Variants in ZNF721 observed in about 807,000 individuals in gnomAD.
ZNF721 encodes the protein zinc finger protein 721.
ZNF721 carries 2 observed loss-of-function variants against 2.4 expected under a neutral mutation model. That is an observed-to-expected ratio of 0.82 (90% CI 0.34 to 2.58). The LOEUF is 2.58. Ranked by LOEUF, ZNF721 falls within the 30% of genes most tolerant of loss-of-function variation. The probability of loss-of-function intolerance (pLI) is 0.11; values close to 1 mark genes in which losing one functional copy is unlikely to be tolerated. For missense variants in ZNF721, 1,187 were observed against 1,085.5 expected, an observed-to-expected ratio of 1.09 and a Z score of -1.31; for synonymous variants, 398 against 381.8, an observed-to-expected ratio of 1.04 and a Z score of -0.50.
chr4:473,521 T>C (rs1330488187), intron 1 of ZNF721, among the ~76,000 whole-genome samples: 3 of 151,826 alleles, frequency 2.0e-5, no homozygotes, highest in South Asian at 2.1e-4. Context: ...CTCACAAAAG[T>C]CTTTTTTTTC....
intron 1 of ZNF721, among the ~76,000 whole-genome samples, chr4:497,715 G>A (rs1716261200): frequency 7.8e-6 from 1 of 127,802 alleles, no homozygotes; most frequent in South Asian, 2.7e-4. Context: ...GGTGAAACCC[G>A]TCACTACTAA....
At chr4:461,588 G>C (rs1038002833) in intron 2 of ZNF721, among the ~76,000 whole-genome samples, 1 of 152,168 alleles carries the variant, frequency 6.6e-6, no homozygotes, top group Non-Finnish European at 1.5e-5. Context: ...AATAGTATTG[G>C]AAAGCCGGGT....
At position 441,636 on chromosome 4, in the gene ZNF721, T is replaced by C; in HGVS notation, c.*59A>G. On this transcript the variant is annotated 3_prime_UTR_variant, in exon 3 of 3. Coordinates refer to ENST00000511833, the MANE Select transcript of ZNF721 (RefSeq NM_133474.4). ...TCACCTTCGTAAGACATTCCCCTGG[T>C]ATGAGTTCTCTTATGTTTAAGAATG... 1.4e-6 allele frequency: 2 copies of C among 1,392,764 alleles called. No individual in the cohort carries two copies. The highest frequency in any genetic ancestry group is 2.5e-5 in the East Asian group (1 of 40,730). The allele number at this position is 1,392,764 out of a possible 1,614,324, so 86.3% of individuals were successfully genotyped here.
intron 1 of ZNF721, among the ~76,000 whole-genome samples, chr4:488,395 G>A (rs782598037): frequency 4.6e-5 from 7 of 152,176 alleles, no homozygotes; most frequent in Non-Finnish European, 8.8e-5. Context: ...CAGGTCCAAA[G>A]ATAAACAGCA....
At chr4:459,007 T>G (rs1168477094) in intron 2 of ZNF721, among the ~76,000 whole-genome samples, 1 of 152,136 alleles carries the variant, frequency 6.6e-6, no homozygotes, top group Admixed American at 6.5e-5. Context: ...TATTCAACAT[T>G]CTTAAAGAAA....
chr4:482,385 A>G (rs1715792957), intron 1 of ZNF721, among the ~76,000 whole-genome samples: 1 of 151,998 alleles, frequency 6.6e-6, no homozygotes, highest in Admixed American at 6.6e-5. Flanking sequence ...GGCTGGCCTC[A>G]AACTCCTGAC....
rs1553863724 is a variant in ZNF721 at position 443,724 on chromosome 4, G to A, written c.743C>T (p.Pro248Leu). ...TTTGCCACATTCCTTACATTTGTAGGGTTTCTCTCCAGTATGAATTTTCTC... is the reference window on the plus strand; with the variant it reads ...TTTGCCACATTCCTTACATTTGTAGAGTTTCTCTCCAGTATGAATTTTCTC... ...KHEKIHTGEK[P>L]YKCKECGKVI... is the part of the protein sequence containing the mutation. The change falls in exon 3 of 3, where the codon CCC becomes CTC. Residue 248 changes from proline to leucine, a missense_variant. By Grantham distance (98) the Pro-to-Leu change is moderately conservative. Coordinates refer to ENST00000511833, the MANE Select transcript of ZNF721 (RefSeq NM_133474.4). The A allele has an allele frequency of 1.9e-6, 3 of 1,613,970 alleles. No individual in the cohort carries two copies. The highest frequency in any genetic ancestry group is 1.3e-5 in the African/African-American group (1 of 74,930).
rs145789017 is a variant in ZNF721, at chr4:454,243, A to C, written c.35-9811T>G. On this transcript the variant is annotated intron_variant, in intron 2 of 2. Coordinates refer to ENST00000511833, the MANE Select transcript of ZNF721 (RefSeq NM_133474.4). ...GAGATACACTTGGGGGTGGCCATTA[A>C]TTCCATCCACCATACAAATGCGCTG... 2.8e-3 allele frequency among the ~76,000 whole-genome samples: 433 copies of C among 152,326 alleles called. 4 individuals are homozygous for C. Among genetic ancestry groups the C allele is most frequent in the African/African-American group, 9.9e-3 (412 of 41,576 alleles).
intron 2 of ZNF721, among the ~76,000 whole-genome samples, chr4:459,274 T>C (rs1553865737): frequency 6.6e-6 from 1 of 152,152 alleles, no homozygotes; most frequent in East Asian, 1.9e-4. Context: ...AGCATCATAA[T>C]GACAGTATCA....
In ZNF721 at chr4:461,488, C is replaced by CAATATT. The variant is rs568898556; in HGVS notation, c.34+11081_34+11086dup. 9.1e-4 allele frequency among the ~76,000 whole-genome samples: 138 copies of CAATATT among 152,252 alleles called. 1 individual carries two copies. The East Asian group carries it at 0.02, about 23-fold the overall frequency. On this transcript the variant is annotated intron_variant, in intron 2 of 2. Coordinates refer to ENST00000511833, the MANE Select transcript of ZNF721 (RefSeq NM_133474.4). ...AAGAGCTATTTATGACAAACACAGC[C>CAATATT]AATATTATACTGAATGGGCAAAAGC...
chr4:471,749 T>A (rs1205363754), intron 2 of ZNF721, among the ~76,000 whole-genome samples: 3 of 152,132 alleles, frequency 2.0e-5, no homozygotes, highest in African/African-American at 7.2e-5. Context: ...GTGTTCTTAT[T>A]ACCAAAAAAA....
Position 442,136 on chromosome 4 carries a change from T to C in ZNF721, c.2331A>G (p.Gly777=), listed in dbSNP as rs1432946602. Reference sequence around the variant, plus strand: ...ATTCCTTACATTTGTAGGGTTTCTTTCCAGTATGAATTTTCTCATGTCTAT... The same window carrying C: ...ATTCCTTACATTTGTAGGGTTTCTTCCCAGTATGAATTTTCTCATGTCTAT... ...HLNRHEKIHT[G]KKPYKCKECG... The change falls in exon 3 of 3, where the codon GGA becomes GGG. Residue 777 remains glycine, a synonymous_variant. Coordinates refer to ENST00000511833, the MANE Select transcript of ZNF721 (RefSeq NM_133474.4). The C allele has an allele frequency of 2.5e-6, 4 of 1,613,574 alleles. No homozygotes were observed. The highest frequency in any genetic ancestry group is 3.4e-6 in the Non-Finnish European group (4 of 1,179,732).
chr4:480,824 G>T (rs1023657854), intron 1 of ZNF721, among the ~76,000 whole-genome samples: 4 of 42,844 alleles, frequency 9.3e-5, no homozygotes, highest in Admixed American at 1.8e-4. Flanking sequence ...CACCTTTTGT[G>T]GGGGGGGGGG....
intron 1 of ZNF721, among the ~76,000 whole-genome samples, chr4:490,745 G>A (rs542163948): frequency 1.5e-4 from 23 of 152,036 alleles, no homozygotes; most frequent in Non-Finnish European, 2.4e-4. Context: ...GTGTGCATGC[G>A]TGCACAGTTT....
chr4:462,012 T>C (rs1553866153), intron 2 of ZNF721, among the ~76,000 whole-genome samples: 2 of 152,190 alleles, frequency 1.3e-5, no homozygotes, highest in Admixed American at 6.5e-5. Context: ...GAAAACCCAA[T>C]CGTCTCAGCC....
intron 1 of ZNF721, among the ~76,000 whole-genome samples, chr4:476,722 T>C (rs560284126): frequency 6.6e-5 from 10 of 152,302 alleles, no homozygotes; most frequent in Admixed American, 5.9e-4. Flanking sequence ...ACTCACAAAA[T>C]AGAAACCACT....
At chr4:498,756 C>T (rs1490006931) in intron 1 of ZNF721, among the ~76,000 whole-genome samples, 1 of 142,008 alleles carries the variant, frequency 7.0e-6, no homozygotes, top group African/African-American at 2.6e-5. Context: ...GACGCAGTCT[C>T]GCTCTGTTGC....
intron 2 of ZNF721, among the ~76,000 whole-genome samples, chr4:446,911 G>A (rs1251552354): frequency 2.6e-5 from 4 of 151,288 alleles, no homozygotes; most frequent in Admixed American, 1.3e-4. Context: ...GGATGGTCTC[G>A]ATCTCTTTAC....
Position 443,990 on chromosome 4 carries a change from A to G in ZNF721, c.477T>C (p.His159=). 1 of 1,614,158 alleles carries G rather than the reference A, an allele frequency of 6.2e-7. No individual in the cohort carries two copies. The highest frequency in any genetic ancestry group is 2.2e-5 in the East Asian group (1 of 44,862). Residue 159 remains histidine (H), a synonymous_variant, in exon 3 of 3, where the codon CAT becomes CAC. Transcript: ENST00000511833. ...CACATTTGTAAGGTTTCTCTCCAGTATGAATTTTCTTGTGTTGATTCAGGT... is the reference window on the plus strand; with the variant it reads ...CACATTTGTAAGGTTTCTCTCCAGTGTGAATTTTCTTGTGTTGATTCAGGT... ...YTDLNQHKKI[H]TGEKPYKCEE... is the part of the protein sequence containing the mutation.
Sources: allele counts gnomAD v4.1 joint callset (sites outside exome capture counted in the v4.1 genomes callset), GRCh38; gene constraint gnomAD v4.1.1; transcripts MANE v1.5; gene names NCBI Gene and HGNC (gene_info 2026-07-23, HGNC 2026-07-21).